PARD3B: variants seen among roughly 807,000 people sequenced by gnomAD.
PARD3B encodes the protein partitioning defective 3 homolog B.
In PARD3B, 103 loss-of-function variants were observed where a neutral mutation model predicts 130.2. The ratio of observed to expected loss-of-function variants is 0.79; its 90% CI spans 0.67 to 0.93. The LOEUF (loss-of-function observed/expected upper bound fraction) is 0.93. Ranked by LOEUF, PARD3B falls within the 40% of genes least tolerant of loss-of-function variation. PARD3B has a pLI of 0.00. For missense variants in PARD3B, 1,609 were observed against 1,499.2 expected, an observed-to-expected ratio of 1.07 and a Z score of -1.21; for synonymous variants, 583 against 553.2, an observed-to-expected ratio of 1.05 and a Z score of -0.76.
At chr2:205,570,477 C>T (rs2106545478) in intron 22 of PARD3B, among the ~76,000 whole-genome samples, 1 of 152,276 alleles carries the variant, frequency 6.6e-6, no homozygotes, top group Admixed American at 6.5e-5. Context: ...TGAAGGGTAT[C>T]TTCAATATCA....
chr2:205,303,229 C>CA (rs1375979645), intron 18 of PARD3B, among the ~76,000 whole-genome samples: 4 of 152,196 alleles, frequency 2.6e-5, no homozygotes, highest in African/African-American at 9.7e-5. Context: ...TCCTATTTCT[C>CA]AGTCTTTGGA....
chr2:205,223,884 G>T (rs2038373498), intron 15 of PARD3B, among the ~76,000 whole-genome samples: 1 of 151,936 alleles, frequency 6.6e-6, no homozygotes, highest in African/African-American at 2.4e-5. Flanking sequence ...GAGTAAATGG[G>T]GTGTCCATCA....
At chr2:204,705,333 G>A (rs2038089461) in intron 2 of PARD3B, among the ~76,000 whole-genome samples, 1 of 152,178 alleles carries the variant, frequency 6.6e-6, no homozygotes. Flanking sequence ...AATATAGCAA[G>A]TAATGCTTGG....
At chr2:204,985,130 C>A (rs1027310450) in intron 3 of PARD3B, among the ~76,000 whole-genome samples, 1 of 152,064 alleles carries the variant, frequency 6.6e-6, no homozygotes, top group Non-Finnish European at 1.5e-5. Context: ...CTTTCCATTT[C>A]TCCTCCTTTT....
intron 20 of PARD3B, among the ~76,000 whole-genome samples, chr2:205,459,931 CTGGCAG>C (rs1047456536): frequency 6.6e-6 from 1 of 152,156 alleles, no homozygotes; most frequent in Non-Finnish European, 1.5e-5. Context: ...CTTCTTTCTC[CTGGCAG>C]TGAGGCCAGT....
At chr2:204,882,584 A>G (rs1401019866) in intron 2 of PARD3B, among the ~76,000 whole-genome samples, 1 of 152,192 alleles carries the variant, frequency 6.6e-6, no homozygotes, top group Non-Finnish European at 1.5e-5. Flanking sequence ...TTGACAAAAC[A>G]TGCACTTTGA....
At chr2:205,170,209 T>C (rs2035076279) in intron 11 of PARD3B, among the ~76,000 whole-genome samples, 1 of 152,130 alleles carries the variant, frequency 6.6e-6, no homozygotes, top group Non-Finnish European at 1.5e-5. Flanking sequence ...GGGTTACAGG[T>C]GTGAGCCACC....
chr2:204,773,094 C>G (rs745789046), intron 2 of PARD3B, among the ~76,000 whole-genome samples: 1 of 151,856 alleles, frequency 6.6e-6, no homozygotes, highest in Non-Finnish European at 1.5e-5. Flanking sequence ...ATATATTTAA[C>G]AATAATCATT....
chr2:205,421,846 T>C lies in PARD3B; in HGVS notation c.2742-18524T>C, dbSNP rs849257. Among the ~76,000 whole-genome samples, 152,080 of 152,288 alleles carry C rather than the reference T, an allele frequency of 1. 75,937 individuals are homozygous for C. Among genetic ancestry groups the C allele is most frequent in the East Asian group, 1 (5,154 of 5,154 alleles). On this transcript the variant is annotated intron_variant, in intron 19 of 22. Coordinates refer to ENST00000406610, the MANE Select transcript of PARD3B (RefSeq NM_001302769.2). The surrounding 1 kb of genome is among the most constrained non-coding windows in gnomAD (Gnocchi z 5.1). ...TATGTTCCTGGCTCATGGCTCCTTCTGCCATTTTTAAAGTGCATCTCTCCA... is the reference window on the plus strand; with the variant it reads ...TATGTTCCTGGCTCATGGCTCCTTCCGCCATTTTTAAAGTGCATCTCTCCA...
At chr2:205,245,731 AT>A in intron 15 of PARD3B, 46 bp from the exon 16 acceptor site, 1 of 1,454,256 alleles carries the variant, frequency 6.9e-7, no homozygotes, top group Non-Finnish European at 9.5e-7. Flanking sequence ...AAATTGTCTG[AT>A]TTACAAGCCG....
chr2:205,493,636 A>G (rs1391705768), intron 20 of PARD3B, among the ~76,000 whole-genome samples: 1 of 152,132 alleles, frequency 6.6e-6, no homozygotes, highest in Non-Finnish European at 1.5e-5. Flanking sequence ...GGTTTTATTC[A>G]GAGAGTTCGT....
chr2:205,490,142 T>A (rs1402194173), intron 20 of PARD3B, among the ~76,000 whole-genome samples: 2 of 152,190 alleles, frequency 1.3e-5, no homozygotes, highest in African/African-American at 4.8e-5. Flanking sequence ...CTTTAAGTTT[T>A]AGGGTACATG....
rs1340471348 is a variant in PARD3B at position 205,244,509 on chromosome 2, A to T, written c.2141-1269A>T. On this transcript the variant is annotated intron_variant, in intron 15 of 22. Coordinates refer to ENST00000406610, the MANE Select transcript of PARD3B (RefSeq NM_001302769.2). The surrounding 1 kb of genome is among the most constrained non-coding windows in gnomAD (Gnocchi z 4.7). ...ATGTATTTTTCTGATATTAGTTAGT[A>T]TCTGGGTAACACTAGCCTCATAGAG... is the stretch of plus-strand genomic sequence containing the variant. 6.6e-6 allele frequency among the ~76,000 whole-genome samples: 1 copy of T among 152,200 alleles called. No homozygotes were observed. Among genetic ancestry groups the T allele is most frequent in the Admixed American group, 6.5e-5 (1 of 15,276 alleles).
At chr2:204,576,919 C>T (rs76253364) in intron 1 of PARD3B, among the ~76,000 whole-genome samples, 2,954 of 152,150 alleles carry the variant, frequency 0.019, 88 homozygotes, top group African/African-American at 0.068. Context: ...AATCAGAAAC[C>T]GTGCCGTGTT....
intron 4 of PARD3B, among the ~76,000 whole-genome samples, chr2:205,055,141 A>G (rs1699553948): frequency 6.6e-6 from 1 of 152,192 alleles, no homozygotes; most frequent in Admixed American, 6.5e-5. Flanking sequence ...GATGATAAAA[A>G]TCATAAAATC....
intron 2 of PARD3B, among the ~76,000 whole-genome samples, chr2:204,929,203 T>A (rs1368766383): frequency 6.6e-6 from 1 of 152,110 alleles, no homozygotes; most frequent in Non-Finnish European, 1.5e-5. Context: ...TTGCTGTTAA[T>A]AAAAGGTCAC....
intron 2 of PARD3B, among the ~76,000 whole-genome samples, chr2:204,941,668 T>C (rs530388111): frequency 2.0e-4 from 31 of 152,284 alleles, no homozygotes; most frequent in Middle Eastern, 3.4e-3. Context: ...TTTGCTTCCA[T>C]TTGAAGGAAA....
At chr2:204,780,530 T>G (rs2041798418) in intron 2 of PARD3B, among the ~76,000 whole-genome samples, 1 of 152,170 alleles carries the variant, frequency 6.6e-6, no homozygotes, top group African/African-American at 2.4e-5. Context: ...TGATTATATC[T>G]TAAAAGGCTT....
intron 18 of PARD3B, among the ~76,000 whole-genome samples, chr2:205,394,670 G>A (rs1043558882): frequency 6.6e-6 from 1 of 152,204 alleles, no homozygotes; most frequent in Non-Finnish European, 1.5e-5. Flanking sequence ...AAAAGGGAAT[G>A]AAATTCTGAC....
Sources: gnomAD v4.1 joint callset for allele counts (sites outside exome capture counted in the v4.1 genomes callset) on GRCh38, gnomAD v4.1.1 for gene constraint, Gnocchi (gnomAD v3.1) non-coding constraint, MANE v1.5 for transcripts, NCBI Gene and HGNC (gene_info 2026-07-23, HGNC 2026-07-21) for gene names.